EEPD1: variants seen among roughly 807,000 people sequenced by gnomAD.
EEPD1 encodes the protein endonuclease/exonuclease/phosphatase family domain-containing protein 1.
EEPD1 carries 17 observed loss-of-function variants against 46.3 expected under a neutral mutation model. That is an observed-to-expected ratio of 0.37 (90% confidence interval 0.25 to 0.55). EEPD1 has a LOEUF of 0.55. Among genes scored for constraint, EEPD1 ranks in the 20% least tolerant of loss-of-function variants. The probability of loss-of-function intolerance (pLI) is 0.83; values close to 1 mark genes in which losing one functional copy is unlikely to be tolerated. For synonymous variants in EEPD1, 313 were observed against 315.6 expected (o/e 0.99, Z 0.09); for missense variants, 673 against 745.6 (o/e 0.90, Z 1.13).
At chr7:36,173,979 T>C (rs1785134235) in intron 2 of EEPD1, among the ~76,000 whole-genome samples, 1 of 152,160 alleles carries the variant, frequency 6.6e-6, no homozygotes. Context: ...GGAGAGCCAG[T>C]GGCACCAAAA....
At chr7:36,250,364 G>A (rs1786714615) in intron 3 of EEPD1, among the ~76,000 whole-genome samples, 1 of 152,216 alleles carries the variant, frequency 6.6e-6, no homozygotes. Context: ...GGGACTAGAG[G>A]GATGGAGGTG....
intron 2 of EEPD1, among the ~76,000 whole-genome samples, chr7:36,162,049 A>G (rs1784907007): frequency 1.3e-5 from 2 of 152,232 alleles, no homozygotes. Flanking sequence ...GTGGTAATTT[A>G]TACCTGGGTA....
At chr7:36,198,436 A>ATT (rs1785653793) in intron 2 of EEPD1, among the ~76,000 whole-genome samples, 2 of 106,332 alleles carry the variant, frequency 1.9e-5, no homozygotes, top group African/African-American at 3.3e-5. Flanking sequence ...AAAAAAAAAG[A>ATT]AATCTTTTAG....
chr7:36,198,415 CAAAAAAAAAA>C (rs70977116), intron 2 of EEPD1, among the ~76,000 whole-genome samples: 3 of 93,654 alleles, frequency 3.2e-5, no homozygotes, highest in African/African-American at 1.2e-4. Flanking sequence ...TTTAATAAAC[CAAAAAAAAAA>C]AAAAAAAAAG....
At chr7:36,289,683 A>G (rs1787397313) in intron 6 of EEPD1, among the ~76,000 whole-genome samples, 1 of 151,986 alleles carries the variant, frequency 6.6e-6, no homozygotes, top group Non-Finnish European at 1.5e-5. Context: ...TTTAGTAGAG[A>G]CGGGGTTTCA....
intron 2 of EEPD1, among the ~76,000 whole-genome samples, chr7:36,161,335 A>C (rs946020809): frequency 1.5e-4 from 23 of 152,048 alleles, no homozygotes; most frequent in African/African-American, 4.8e-4. Context: ...ATGAGGGAGG[A>C]TGTGAAGCTT....
intron 2 of EEPD1, among the ~76,000 whole-genome samples, chr7:36,163,022 T>TA (rs1389977643): frequency 2.0e-5 from 3 of 152,202 alleles, no homozygotes; most frequent in South Asian, 2.1e-4. Flanking sequence ...TGTTGTTTTT[T>TA]AAAAAATATC....
intron 3 of EEPD1, among the ~76,000 whole-genome samples, chr7:36,263,670 C>T (rs1370786979): frequency 6.6e-6 from 1 of 151,048 alleles, no homozygotes; most frequent in African/African-American, 2.4e-5. Flanking sequence ...CAAATCCCAA[C>T]ATTTGCATCA....
chr7:36,212,768 C>T (rs1785958176), intron 2 of EEPD1, among the ~76,000 whole-genome samples: 1 of 151,894 alleles, frequency 6.6e-6, no homozygotes, highest in African/African-American at 2.4e-5. Flanking sequence ...AGTATGTAAA[C>T]AGTGGTTATT....
At chr7:36,274,870 G>A (rs1787160869) in intron 3 of EEPD1, among the ~76,000 whole-genome samples, 1 of 152,158 alleles carries the variant, frequency 6.6e-6, no homozygotes, top group South Asian at 2.1e-4. Context: ...TTCTAAAAAT[G>A]TTGCCTCTGT....
chr7:36,276,195 C>T (rs1787180232), intron 3 of EEPD1, among the ~76,000 whole-genome samples: 2 of 152,122 alleles, frequency 1.3e-5, no homozygotes, highest in South Asian at 4.1e-4. Flanking sequence ...AGATACAGGT[C>T]ATAAAGACCT....
In EEPD1 at chr7:36,155,026, G is replaced by A. The variant is rs776101800; in HGVS notation, c.702G>A (p.Pro234=). Residue 234 remains proline (P), a synonymous_variant, in exon 2 of 8, where the codon CCG becomes CCA. Transcript: ENST00000242108. ...LSLQSEDLDL[P]PGGPTQIIST... ...TGCAGAGTGAGGACCTGGACCTGCC[G>A]CCAGGGGGGCCCACCCAGATTATCT... 2 of 1,604,478 alleles carry A rather than the reference G, an allele frequency of 1.2e-6. No homozygotes were observed. Among genetic ancestry groups the A allele is most frequent in the Non-Finnish European group, 8.5e-7 (1 of 1,173,754 alleles).
intron 4 of EEPD1, among the ~76,000 whole-genome samples, chr7:36,282,048 C>G (rs1440684875): frequency 6.6e-6 from 1 of 152,200 alleles, no homozygotes; most frequent in Non-Finnish European, 1.5e-5. Context: ...TTAGCTACTA[C>G]TTAAAGAGGT....
At chr7:36,217,119 A>G (rs961926349) in intron 2 of EEPD1, among the ~76,000 whole-genome samples, 5 of 152,274 alleles carry the variant, frequency 3.3e-5, no homozygotes, top group Admixed American at 6.5e-5. Context: ...CAAGTTTGTT[A>G]GGAAAGTAAA....
chr7:36,192,639 T>C (rs2115681440), intron 2 of EEPD1, among the ~76,000 whole-genome samples: 1 of 152,364 alleles, frequency 6.6e-6, no homozygotes, highest in Admixed American at 6.5e-5. Flanking sequence ...CGAAGGCCTG[T>C]GTCTTACTCA....
chr7:36,268,903 T>C (rs1385217143), intron 3 of EEPD1, among the ~76,000 whole-genome samples: 1 of 152,194 alleles, frequency 6.6e-6, no homozygotes, highest in Non-Finnish European at 1.5e-5. Context: ...TCTTGGTAAG[T>C]GGTAGATCCA....
At position 36,154,350 on chromosome 7, in the gene EEPD1, G is replaced by A. The variant is rs756097652; in HGVS notation, c.26G>A (p.Arg9His). 1.9e-6 allele frequency: 3 copies of A among 1,611,794 alleles called. No individual in the cohort carries two copies. The highest frequency in any genetic ancestry group is 1.1e-5 in the South Asian group (1 of 91,088). Residue 9 changes from arginine (R) to histidine (H), a missense_variant, in exon 2 of 8, where the codon CGC becomes CAC. Transcript: ENST00000242108. The surrounding 1 kb of genome is among the most constrained non-coding windows in gnomAD (Gnocchi z 4.2). The part of the protein sequence containing the change: MGSTLGCH[R>H]SIPRDPSDLS... The stretch of plus-strand genomic sequence containing the variant: ...ATGGGGAGCACCCTGGGCTGCCACC[G>A]CTCCATCCCCAGGGACCCCTCGGAC...
chr7:36,231,268 C>T (rs1786322777), intron 2 of EEPD1, among the ~76,000 whole-genome samples: 1 of 152,170 alleles, frequency 6.6e-6, no homozygotes, highest in South Asian at 2.1e-4. Flanking sequence ...CATTGTAGAT[C>T]TTAACTGCAC....
chr7:36,272,968 C>A (rs375277296), intron 3 of EEPD1, among the ~76,000 whole-genome samples: 5 of 152,192 alleles, frequency 3.3e-5, no homozygotes, highest in African/African-American at 1.2e-4. Flanking sequence ...CAGCCCCGGC[C>A]CCTCCTGGGA....
Sources: gnomAD v4.1 joint callset for allele counts (sites outside exome capture counted in the v4.1 genomes callset) on GRCh38, gnomAD v4.1.1 for gene constraint, Gnocchi (gnomAD v3.1) non-coding constraint, MANE v1.5 for transcripts, NCBI Gene and HGNC (gene_info 2026-07-23, HGNC 2026-07-21) for gene names.